ZNF710: variants seen among roughly 807,000 people sequenced by gnomAD.
ZNF710 encodes the protein zinc finger protein 710.
A neutral mutation model predicts 50.6 loss-of-function variants in ZNF710; 13 were observed. The ratio of observed to expected loss-of-function variants is 0.26; its 90% confidence interval spans 0.17 to 0.41. ZNF710 has a LOEUF of 0.41. Among genes scored for constraint, ZNF710 ranks in the 10% least tolerant of loss-of-function variants. ZNF710 has a pLI of 1.00. For missense variants in ZNF710, 721 were observed against 936.6 expected, an observed-to-expected ratio of 0.77 and a Z score of 3.01; for synonymous variants, 383 against 397.0, an observed-to-expected ratio of 0.96 and a Z score of 0.42.
At chr15:90,073,546 G>T (rs1391845203) in intron 3 of ZNF710, among the ~76,000 whole-genome samples, 1 of 152,200 alleles carries the variant, frequency 6.6e-6, no homozygotes, top group East Asian at 1.9e-4. Context: ...TGCAGCTAGA[G>T]ATCCAAGCCC....
At chr15:90,024,839 A>G (rs909295356) in intron 1 of ZNF710, 2 of 152,284 alleles carry the variant, frequency 1.3e-5, no homozygotes, top group Non-Finnish European at 2.9e-5. Context: ...GAACCGATAG[A>G]ACATCCAAGG....
At position 90,009,610 on chromosome 15, in the gene ZNF710, T is replaced by C. The variant is rs144270213; in HGVS notation, c.-29+7996T>C. Among the ~76,000 whole-genome samples the C allele has an allele frequency of 5.8e-4, 89 of 152,182 alleles. No homozygotes were observed. In the East Asian group the frequency reaches 9.5e-3, roughly 16 times the overall value. ...CAGCCCCACTGCTTGTTCCTCTGTGTCCTGCCCTGGCTTCCTCCCTAGGTC... is the reference window on the plus strand; with the variant it reads ...CAGCCCCACTGCTTGTTCCTCTGTGCCCTGCCCTGGCTTCCTCCCTAGGTC... On this transcript the variant is annotated intron_variant, in intron 1 of 4. Coordinates refer to ENST00000268154, the MANE Select transcript of ZNF710 (RefSeq NM_198526.4).
chr15:90,056,987 A>T (rs1376515059), intron 1 of ZNF710, among the ~76,000 whole-genome samples: 4 of 152,146 alleles, frequency 2.6e-5, no homozygotes, highest in Non-Finnish European at 5.9e-5. Context: ...TTCTGGGATC[A>T]GCATTCCCTT....
At chr15:90,018,064 C>A (rs1358933459) in intron 1 of ZNF710, among the ~76,000 whole-genome samples, 1 of 152,116 alleles carries the variant, frequency 6.6e-6, no homozygotes, top group Non-Finnish European at 1.5e-5. Flanking sequence ...CTGTCTCCCC[C>A]AGAAAAACTT....
chr15:89,999,646 C>A (rs927336175), upstream of ZNF710, among the ~76,000 whole-genome samples: 1 of 151,974 alleles, frequency 6.6e-6, no homozygotes. Flanking sequence ...TAGCTCAGAG[C>A]ACCAGGAGCT....
Position 90,058,718 on chromosome 15 carries a change from TACAC to T in ZNF710, c.-28-8388_-28-8385del, listed in dbSNP as rs917579722. 9.8e-4 allele frequency among the ~76,000 whole-genome samples: 145 copies of T among 148,056 alleles called. 2 individuals carry two copies. The highest frequency in any genetic ancestry group is 3.6e-3 in the African/African-American group (137 of 37,924). ...CTATATATTTATATATATATATATA[TACAC>T]ACATATACACACACACGTACACAGA... On this transcript the variant is annotated intron_variant, in intron 1 of 4. Coordinates refer to ENST00000268154, the MANE Select transcript of ZNF710 (RefSeq NM_198526.4).
At chr15:90,045,671 A>T (rs954340499) in intron 1 of ZNF710, among the ~76,000 whole-genome samples, 1 of 152,170 alleles carries the variant, frequency 6.6e-6, no homozygotes, top group African/African-American at 2.4e-5. Flanking sequence ...TCCAGAGGAC[A>T]GCTGAGCTCT....
At chr15:90,030,114 G>A (rs372263548) in intron 1 of ZNF710, among the ~76,000 whole-genome samples, 34 of 151,050 alleles carry the variant, frequency 2.3e-4, no homozygotes, top group African/African-American at 7.5e-4. Context: ...TGGATCGCCT[G>A]AGGTCAGGAG....
At chr15:90,050,514 C>T (rs530978416) in intron 1 of ZNF710, among the ~76,000 whole-genome samples, 7 of 152,332 alleles carry the variant, frequency 4.6e-5, no homozygotes, top group East Asian at 1.9e-4. Context: ...CTCCCTGGAC[C>T]CCTCCACCCA....
chr15:90,072,606 C>T (rs745342290), intron 2 of ZNF710, among the ~76,000 whole-genome samples: 3 of 152,116 alleles, frequency 2.0e-5, no homozygotes, highest in Non-Finnish European at 4.4e-5. Flanking sequence ...AACACATACA[C>T]GTGTCCTTGA....
chr15:90,060,862 T>A (rs958147406), intron 1 of ZNF710, among the ~76,000 whole-genome samples: 1 of 151,896 alleles, frequency 6.6e-6, no homozygotes, highest in African/African-American at 2.4e-5. Flanking sequence ...TCTCAAAAAA[T>A]AAATAAATAA....
chr15:90,038,477 C>A (rs1439759274), intron 1 of ZNF710, among the ~76,000 whole-genome samples: 1 of 152,218 alleles, frequency 6.6e-6, no homozygotes. Flanking sequence ...AGTACGTCAG[C>A]AGGTATCTTT....
rs957860547 is a variant in ZNF710, at chr15:90,081,454, C to G, written c.*1625C>G. The G allele has an allele frequency of 2.6e-5, 4 of 152,250 alleles. No homozygotes were observed. The highest frequency in any genetic ancestry group is 9.7e-5 in the African/African-American group (4 of 41,412). 9.4% of individuals were successfully genotyped at this position (152,250 alleles called of 1,614,324 possible). ...AGGGAACAGCCTGCGGTGGGAGGAACCAATCTGCAGCGCAGCCACCCCCAA... is the reference window on the plus strand; with the variant it reads ...AGGGAACAGCCTGCGGTGGGAGGAAGCAATCTGCAGCGCAGCCACCCCCAA... On this transcript the variant is annotated 3_prime_UTR_variant, in exon 5 of 5. Transcript: ENST00000268154.
chr15:90,074,440 G>A, intron 4 of ZNF710, 150 bp downstream of exon 4: 2 of 1,539,074 alleles, frequency 1.3e-6, no homozygotes, highest in Admixed American at 2.0e-5. Context: ...TACCCTGGAA[G>A]GCCATGATGA....
In ZNF710 at chr15:90,059,757, C is replaced by A. The variant is rs1369611391; in HGVS notation, c.-28-7353C>A. On this transcript the variant is annotated intron_variant, in intron 1 of 4. Coordinates refer to ENST00000268154, the MANE Select transcript of ZNF710 (RefSeq NM_198526.4). This position sits in a 1 kb window ranked among gnomAD's most constrained non-coding sequence, Gnocchi z 4.1. ...TCCAGCTCTCGCTTCCTCTTCCCTT[C>A]TGCGCATGTGAGTAGAGTTTCCCTT... is the stretch of plus-strand genomic sequence containing the variant. Among the ~76,000 whole-genome samples, 1 of 152,232 alleles carries A rather than the reference C, an allele frequency of 6.6e-6. No homozygotes were observed. Among genetic ancestry groups the A allele is most frequent in the Non-Finnish European group, 1.5e-5 (1 of 68,038 alleles).
intron 1 of ZNF710, among the ~76,000 whole-genome samples, chr15:90,060,108 C>G (rs1899960999): frequency 6.6e-6 from 1 of 151,616 alleles, no homozygotes; most frequent in Non-Finnish European, 1.5e-5. Context: ...CCCCACCCCA[C>G]CCCCATACTG....
At chr15:90,052,205 G>A (rs1167112374) in intron 1 of ZNF710, among the ~76,000 whole-genome samples, 3 of 152,102 alleles carry the variant, frequency 2.0e-5, no homozygotes, top group Admixed American at 6.6e-5. Context: ...CACACAGCTC[G>A]AGGGCTCCTG....
At chr15:90,075,347 C>T (rs1221978260) in intron 4 of ZNF710, 1 of 152,152 alleles carries the variant, frequency 6.6e-6, no homozygotes, top group African/African-American at 2.4e-5. Flanking sequence ...ATAGTGAGAC[C>T]TGGTCTCTAC....
rs1279268268 is a variant in ZNF710 at position 90,062,211 on chromosome 15, CCTCTCCCTTTCTCTCTCT to C, written c.-28-4893_-28-4876del. On this transcript the variant is annotated intron_variant, in intron 1 of 4. Coordinates refer to ENST00000268154, the MANE Select transcript of ZNF710 (RefSeq NM_198526.4). This position sits in a 1 kb window ranked among gnomAD's most constrained non-coding sequence, Gnocchi z 5.6. ...TCCCTGTCTCTTCATTTCTTCTCTC[CCTCTCCCTTTCTCTCTCT>C]CTCTCTCTGATATGTCCTCCCTTCC... Among the ~76,000 whole-genome samples, 4 of 147,722 alleles carry C rather than the reference CCTCTCCCTTTCTCTCTCT, an allele frequency of 2.7e-5. No individual in the cohort carries two copies. The highest frequency in any genetic ancestry group is 3.9e-4 in the East Asian group (2 of 5,166).
Sources: allele counts gnomAD v4.1 joint callset (sites outside exome capture counted in the v4.1 genomes callset), GRCh38; gene constraint gnomAD v4.1.1; non-coding constraint Gnocchi (gnomAD v3.1); transcripts MANE v1.5; gene names NCBI Gene and HGNC (gene_info 2026-07-23, HGNC 2026-07-21).